RTN1: variants seen among roughly 807,000 people sequenced by gnomAD.
The protein encoded by RTN1 is reticulon-1.
A neutral mutation model predicts 65.5 loss-of-function variants in RTN1; 25 were observed. The observed-to-expected ratio is 0.38, with a 90% CI of 0.28 to 0.53. The LOEUF (loss-of-function observed/expected upper bound fraction) is 0.53, where lower values mean the gene tolerates loss of function less well. Ranked by LOEUF, RTN1 falls within the 20% of genes least tolerant of loss-of-function variation. RTN1 has a pLI of 0.79. For missense variants in RTN1, 983 were observed against 1,025.4 expected, an observed-to-expected ratio of 0.96 and a Z score of 0.57; for synonymous variants, 471 against 447.6, an observed-to-expected ratio of 1.05 and a Z score of -0.66.
In RTN1 at chr14:59,836,459, ATCT is replaced by A. The variant is rs1469479392; in HGVS notation, c.241+33928_241+33930del. On this transcript the variant is annotated intron_variant, in intron 1 of 8. Transcript: ENST00000267484. The surrounding 1 kb of genome is among the most constrained non-coding windows in gnomAD (Gnocchi z 4.9). Reference sequence around the variant, plus strand: ...CACAACTAATTTTTCCAGTTCTTACATCTTCTTTGTAAGTCATGCTTTTAAGAG... The same window carrying A: ...CACAACTAATTTTTCCAGTTCTTACATCTTTGTAAGTCATGCTTTTAAGAG... 2.6e-5 allele frequency among the ~76,000 whole-genome samples: 4 copies of A among 152,338 alleles called. No homozygotes were observed. In the East Asian group the frequency reaches 7.7e-4, roughly 29 times the overall value.
At chr14:59,715,180 G>C (rs1884508383) in intron 3 of RTN1, among the ~76,000 whole-genome samples, 1 of 152,182 alleles carries the variant, frequency 6.6e-6, no homozygotes, top group African/African-American at 2.4e-5. Flanking sequence ...TAATAGTTCA[G>C]GTGAATGACC....
intron 1 of RTN1, among the ~76,000 whole-genome samples, chr14:59,861,101 T>C (rs139907177): frequency 8.3e-4 from 127 of 152,162 alleles, no homozygotes; most frequent in Admixed American, 1.5e-3. Flanking sequence ...GGACATGAGA[T>C]TTGGGAGGGG....
intron 3 of RTN1, among the ~76,000 whole-genome samples, chr14:59,614,947 T>C (rs139895905): frequency 4.6e-5 from 7 of 152,346 alleles, no homozygotes; most frequent in Non-Finnish European, 5.9e-5. Context: ...TAAAAGATTA[T>C]AAGAAGGCAT....
chr14:59,714,102 G>A (rs1443424923), intron 3 of RTN1, among the ~76,000 whole-genome samples: 2 of 152,098 alleles, frequency 1.3e-5, no homozygotes, highest in Non-Finnish European at 2.9e-5. Flanking sequence ...AGGCATGGTG[G>A]CAGGCGCCTG....
chr14:59,763,531 C>CTTTTTT (rs567181046), intron 1 of RTN1, among the ~76,000 whole-genome samples: 3 of 127,396 alleles, frequency 2.4e-5, no homozygotes, highest in East Asian at 2.3e-4. Context: ...AATTTTCTTT[C>CTTTTTT]TTTTTTTTTT....
At chr14:59,867,153 A>G (rs539579987) in intron 1 of RTN1, among the ~76,000 whole-genome samples, 1 of 152,300 alleles carries the variant, frequency 6.6e-6, no homozygotes, top group Non-Finnish European at 1.5e-5. Context: ...GTTAACCTCT[A>G]TTTCATTTTG....
chr14:59,748,180 C>T (rs540928221), intron 1 of RTN1, among the ~76,000 whole-genome samples: 6 of 147,740 alleles, frequency 4.1e-5, no homozygotes, highest in Non-Finnish European at 7.4e-5. Context: ...TCCCCTAATG[C>T]GCTTTGCCCC....
intron 8 of RTN1, among the ~76,000 whole-genome samples, chr14:59,597,729 C>T (rs551053338): frequency 6.6e-6 from 1 of 152,210 alleles, no homozygotes; most frequent in East Asian, 1.9e-4. Flanking sequence ...AAGGTGTGTA[C>T]CACCTCTTTT....
chr14:59,761,917 C>A (rs1566718295), intron 1 of RTN1, among the ~76,000 whole-genome samples: 1 of 152,102 alleles, frequency 6.6e-6, no homozygotes, highest in African/African-American at 2.4e-5. Context: ...AGAGTGGTAT[C>A]CTTTGGGAAG....
At chr14:59,603,305 A>C (rs774765931) in intron 6 of RTN1, 47 bp from the exon 7 acceptor site, 2 of 1,449,704 alleles carry the variant, frequency 1.4e-6, no homozygotes, top group East Asian at 4.5e-5. Flanking sequence ...GTTATCAATA[A>C]GAATACGCTT....
chr14:59,787,769 A>G (rs1886278165), intron 1 of RTN1, among the ~76,000 whole-genome samples: 1 of 152,180 alleles, frequency 6.6e-6, no homozygotes, highest in Non-Finnish European at 1.5e-5. Flanking sequence ...ACACTTCTAC[A>G]TGCACAAAGT....
intron 1 of RTN1, among the ~76,000 whole-genome samples, chr14:59,861,295 C>T (rs1032909722): frequency 2.0e-5 from 3 of 152,152 alleles, no homozygotes; most frequent in African/African-American, 7.2e-5. Flanking sequence ...ATTTTCCCTG[C>T]CCAATCTCTC....
intron 3 of RTN1, among the ~76,000 whole-genome samples, chr14:59,646,558 G>C (rs1392567334): frequency 2.6e-5 from 4 of 151,972 alleles, no homozygotes; most frequent in Non-Finnish European, 5.9e-5. Context: ...AGCAGCTAGA[G>C]AGAAAGGGAA....
At chr14:59,624,509 T>C (rs2140179355) in intron 3 of RTN1, among the ~76,000 whole-genome samples, 1 of 152,058 alleles carries the variant, frequency 6.6e-6, no homozygotes, top group East Asian at 1.9e-4. Flanking sequence ...TTGCCCAGGC[T>C]GGAGTGCAAT....
intron 2 of RTN1, among the ~76,000 whole-genome samples, chr14:59,730,002 G>C (rs1884866015): frequency 6.6e-6 from 1 of 152,174 alleles, no homozygotes; most frequent in Non-Finnish European, 1.5e-5. Flanking sequence ...TTTAGGTCTA[G>C]GGGTAGTAAC....
chr14:59,740,561 G>T (rs1885096684), intron 2 of RTN1, among the ~76,000 whole-genome samples: 2 of 152,188 alleles, frequency 1.3e-5, no homozygotes, highest in Admixed American at 1.3e-4. Flanking sequence ...CCAGGGTCTT[G>T]CTTTATTTAC....
At chr14:59,656,919 T>C (rs562314393) in intron 3 of RTN1, among the ~76,000 whole-genome samples, 1 of 152,340 alleles carries the variant, frequency 6.6e-6, no homozygotes, top group Admixed American at 6.5e-5. Flanking sequence ...GTTCTAGATT[T>C]TCTCTTTCTT....
At chr14:59,754,128 C>T (rs1046538590) in intron 1 of RTN1, among the ~76,000 whole-genome samples, 20 of 152,074 alleles carry the variant, frequency 1.3e-4, no homozygotes, top group African/African-American at 4.8e-4. Flanking sequence ...ATTCACAGGC[C>T]ACTATTTCTA....
rs536848895 is a variant in RTN1 at position 59,626,676 on chromosome 14, G to A, written c.1766-19184C>T. Among the ~76,000 whole-genome samples the A allele has an allele frequency of 9.2e-5, 14 of 152,268 alleles. No homozygotes were observed. In the South Asian group the frequency reaches 1.0e-3, roughly 11 times the overall value. On this transcript the variant is annotated intron_variant, in intron 3 of 8. Transcript: ENST00000267484. ...TGTTCTGTGTTCAGAACCCAGTTAC[G>A]TCCTGGGGCAAACTGCTGCCCCTCT... is the stretch of plus-strand genomic sequence containing the variant.
Sources: gnomAD v4.1 joint callset for allele counts (sites outside exome capture counted in the v4.1 genomes callset) on GRCh38, gnomAD v4.1.1 for gene constraint, Gnocchi (gnomAD v3.1) non-coding constraint, MANE v1.5 for transcripts, NCBI Gene and HGNC (gene_info 2026-07-23, HGNC 2026-07-21) for gene names.